ZNF83: variants seen among roughly 807,000 people sequenced by gnomAD.
ZNF83 encodes the protein zinc finger protein 816B.
For synonymous variants in ZNF83, 209 were observed against 213.0 expected (o/e 0.98, Z 0.17); for missense variants, 552 against 629.9 (o/e 0.88, Z 1.32).
At chr19:52,655,191 A>C (rs942474401) in intron 3 of ZNF83, 1 of 207,888 alleles carries the variant, frequency 4.8e-6, no homozygotes, top group African/African-American at 2.3e-5. Context: ...TGTCTCAAAA[A>C]ACAAAACAAA....
intron 2 of ZNF83, among the ~76,000 whole-genome samples, chr19:52,619,242 T>G (rs1280821788): frequency 6.6e-6 from 1 of 151,846 alleles, no homozygotes; most frequent in Non-Finnish European, 1.5e-5. Flanking sequence ...TTTGAAGAGG[T>G]CATAATACCC....
chr19:52,683,080 A>AG (rs11413749), intron 1 of ZNF83, among the ~76,000 whole-genome samples: 101,597 of 152,004 alleles, frequency 0.67, 35,302 homozygotes, highest in African/African-American at 0.87. Context: ...CATGTTGGCC[A>AG]GCTGCTCTCA....
chr19:52,639,771 C>CA (rs199889027), upstream of ZNF83, among the ~76,000 whole-genome samples: 1,100 of 151,310 alleles, frequency 7.3e-3, 15 homozygotes, highest in African/African-American at 0.025. Context: ...TAATGGAAAA[C>CA]AAAAAAAATC....
At chr19:52,663,931 G>A (rs1171669013) in intron 1 of ZNF83, among the ~76,000 whole-genome samples, 3 of 152,078 alleles carry the variant, frequency 2.0e-5, no homozygotes, top group Admixed American at 6.6e-5. Context: ...TCTGTTGCCC[G>A]GCTGGAATGC....
At chr19:52,627,164 CT>C (rs1341625102) in intron 2 of ZNF83, among the ~76,000 whole-genome samples, 1 of 151,278 alleles carries the variant, frequency 6.6e-6, no homozygotes, top group African/African-American at 2.4e-5. Context: ...TAACTATCCA[CT>C]GCTTACCCCA....
At chr19:52,638,402 C>CGCGAGGTGGGCGGGGCCT (rs2061229173), upstream of ZNF83, 2 of 151,518 alleles carry the variant, frequency 1.3e-5, no homozygotes, top group African/African-American at 4.9e-5. Flanking sequence ...GGGCGGGGCC[C>CGCGAGGTGGGCGGGGCCT]GCGAGGTGGG....
chr19:52,614,513 C>G (rs1187984481), exon 3 of ZNF83: 3 of 1,603,246 alleles, frequency 1.9e-6, no homozygotes, highest in East Asian at 4.5e-5. Context: ...GGGTTTAATC[C>G]AAGCTGATTT....
intron 3 of ZNF83, among the ~76,000 whole-genome samples, chr19:52,649,947 T>C (rs1271921134): frequency 6.6e-6 from 1 of 152,054 alleles, no homozygotes; most frequent in African/African-American, 2.4e-5. Flanking sequence ...AAGCCTCCAT[T>C]TGCCAGGCCT....
intron 2 of ZNF83, among the ~76,000 whole-genome samples, chr19:52,658,169 A>C (rs2061532497): frequency 6.6e-6 from 1 of 151,886 alleles, no homozygotes; most frequent in Non-Finnish European, 1.5e-5. Context: ...GAATAGGAAA[A>C]GAAACAACAA....
intron 1 of ZNF83, among the ~76,000 whole-genome samples, chr19:52,672,929 C>CA (rs1197054935): frequency 1.3e-5 from 2 of 151,768 alleles, no homozygotes; most frequent in African/African-American, 2.4e-5. Context: ...ATAATGGGTA[C>CA]AAAAAATAGA....
At position 52,638,044 on chromosome 19, in the gene ZNF83, G is replaced by T. The variant is rs544600914; in HGVS notation, c.-322+268C>A. Among the ~76,000 whole-genome samples, 316 of 152,264 alleles carry T rather than the reference G, an allele frequency of 2.1e-3. 2 individuals are homozygous for T. Among genetic ancestry groups the T allele is most frequent in the African/African-American group, 7.4e-3 (308 of 41,570 alleles). The stretch of plus-strand genomic sequence containing the variant: ...GAGGACTTTAAAAAGCGAGGGGCGG[G>T]AGGAGTCAGAAAACAGTTTTGAGCA... On this transcript the variant is annotated intron_variant, in intron 1 of 2. Transcript: ENST00000301096.
chr19:52,620,770 TC>T (rs2060513428), intron 2 of ZNF83, among the ~76,000 whole-genome samples: 1 of 152,186 alleles, frequency 6.6e-6, no homozygotes, highest in Non-Finnish European at 1.5e-5. Flanking sequence ...ACAGCCAGCT[TC>T]TGTCTTAACT....
At chr19:52,684,787 G>C (rs2061986341) in intron 1 of ZNF83, among the ~76,000 whole-genome samples, 1 of 152,002 alleles carries the variant, frequency 6.6e-6, no homozygotes, top group Admixed American at 6.6e-5. Context: ...AAAGGTTTTG[G>C]TGTTTGGGAA....
chr19:52,667,402 AAG>A (rs1204183422), intron 1 of ZNF83, among the ~76,000 whole-genome samples: 1 of 152,144 alleles, frequency 6.6e-6, no homozygotes, highest in African/African-American at 2.4e-5. Context: ...GAAAAGTTAT[AAG>A]AGGGAATTTA....
intron 1 of ZNF83, among the ~76,000 whole-genome samples, chr19:52,670,058 C>A (rs907721155): frequency 6.6e-6 from 1 of 152,190 alleles, no homozygotes; most frequent in Non-Finnish European, 1.5e-5. Flanking sequence ...TTAAACTTAA[C>A]TTCCTCATAA....
chr19:52,633,485 C>T (rs1302814191), intron 2 of ZNF83, among the ~76,000 whole-genome samples: 1 of 151,972 alleles, frequency 6.6e-6, no homozygotes, highest in Non-Finnish European at 1.5e-5. Flanking sequence ...GCTCTGATAA[C>T]CTGGCACAGA....
At chr19:52,642,943 G>A (rs1378761469), upstream of ZNF83, among the ~76,000 whole-genome samples, 1 of 152,084 alleles carries the variant, frequency 6.6e-6, no homozygotes, top group Non-Finnish European at 1.5e-5. Context: ...GATTACTTGA[G>A]GTCAGGAGTG....
chr19:52,634,777 G>T (rs370190603), intron 2 of ZNF83, among the ~76,000 whole-genome samples: 49 of 152,154 alleles, frequency 3.2e-4, no homozygotes, highest in Middle Eastern at 3.4e-3. Flanking sequence ...AACAATCCCT[G>T]CTGCCCAACA....
At chr19:52,663,918 C>T (rs144447876) in intron 1 of ZNF83, among the ~76,000 whole-genome samples, 128 of 152,314 alleles carry the variant, frequency 8.4e-4, no homozygotes, top group African/African-American at 2.8e-3. Flanking sequence ...GACGGAGTCT[C>T]GCTCTGTTGC....
Sources: allele counts gnomAD v4.1 joint callset (sites outside exome capture counted in the v4.1 genomes callset), GRCh38; gene constraint gnomAD v4.1.1; transcripts MANE v1.5; gene names NCBI Gene and HGNC (gene_info 2026-07-23, HGNC 2026-07-21).